DPY19L2: variants seen among roughly 807,000 people sequenced by gnomAD.
DPY19L2 encodes the protein dpy-19 like 2, also known as probable C-mannosyltransferase DPY19L2.
A neutral mutation model predicts 97.9 loss-of-function variants in DPY19L2; 34 were observed. The ratio of observed to expected loss-of-function variants is 0.35; its 90% CI spans 0.26 to 0.46. DPY19L2 has a LOEUF of 0.46. Ranked by LOEUF, DPY19L2 falls within the 20% of genes least tolerant of loss-of-function variation. The pLI is 1.00. For synonymous variants in DPY19L2, 230 were observed against 307.9 expected, an observed-to-expected ratio of 0.75 and a Z score of 2.65; for missense variants, 623 against 911.4, an observed-to-expected ratio of 0.68 and a Z score of 4.07.
At chr12:63,653,592 A>G (rs182747412) in intron 4 of DPY19L2, among the ~76,000 whole-genome samples, 142 of 152,226 alleles carry the variant, frequency 9.3e-4, no homozygotes, top group Non-Finnish European at 1.9e-3. Context: ...AGAAAGAAAA[A>G]GAAATAATGA....
chr12:63,627,791 G>A (rs181952748), intron 6 of DPY19L2, among the ~76,000 whole-genome samples: 30 of 152,190 alleles, frequency 2.0e-4, no homozygotes, highest in African/African-American at 7.2e-4. Flanking sequence ...CACATTCTAA[G>A]CACCATGAGG....
At chr12:63,614,771 A>G (rs1277197194) in intron 11 of DPY19L2, among the ~76,000 whole-genome samples, 1 of 152,148 alleles carries the variant, frequency 6.6e-6, no homozygotes, top group African/African-American at 2.4e-5. Context: ...ATGCATGCAC[A>G]CACACATATT....
Position 63,668,243 on chromosome 12 carries a change from A to C in DPY19L2, c.151T>G (p.Ser51Ala), listed in dbSNP as rs10878073. ...ALGGGKLPRG[S>A]WRSSPGRIQS... Reference sequence around the variant, plus strand: ...ATCCTCCCCGGGGAGGACCTCCAGGAGCCCCTTGGCAGTTTCCCGCCGCCT... The same window carrying C: ...ATCCTCCCCGGGGAGGACCTCCAGGCGCCCCTTGGCAGTTTCCCGCCGCCT... Residue 51 changes from serine to alanine, a missense_variant, in exon 1 of 22, where the codon TCC becomes GCC. Ser to Ala is a moderately conservative substitution (Grantham distance 99). Coordinates refer to ENST00000324472, the MANE Select transcript of DPY19L2 (RefSeq NM_173812.5). The C allele has an allele frequency of 0.24, 382,382 of 1,613,448 alleles. 52,199 individuals are homozygous for C. Among genetic ancestry groups the C allele is most frequent in the East Asian group, 0.58 (26,151 of 44,746 alleles).
intron 6 of DPY19L2, 128 bp from the exon 7 acceptor site, chr12:63,626,654 A>G: frequency 8.1e-7 from 1 of 1,238,966 alleles, no homozygotes; most frequent in Middle Eastern, 2.7e-4. Flanking sequence ...ATAGTACTAA[A>G]CCATACCCAT....
rs553028187 is a variant in DPY19L2, at chr12:63,619,272, C to T, written c.1054-1044G>A. Reference sequence around the variant, plus strand: ...CCTGGGCAAGATGGTGACACCTCATCGCTACAAAAAATTAAAAATTAGCCA... The same window carrying T: ...CCTGGGCAAGATGGTGACACCTCATTGCTACAAAAAATTAAAAATTAGCCA... On this transcript the variant is annotated intron_variant, in intron 9 of 21. Transcript: ENST00000324472. Among the ~76,000 whole-genome samples, 10 of 152,126 alleles carry T rather than the reference C, an allele frequency of 6.6e-5. 1 individual carries two copies. Among genetic ancestry groups the T allele is most frequent in the African/African-American group, 1.7e-4 (7 of 41,522 alleles).
chr12:63,665,189 T>C (rs1592784233), intron 2 of DPY19L2, among the ~76,000 whole-genome samples: 1 of 152,226 alleles, frequency 6.6e-6, no homozygotes, highest in African/African-American at 2.4e-5. Context: ...GTTATTTCAC[T>C]GGCTGAGTGT....
intron 6 of DPY19L2, among the ~76,000 whole-genome samples, chr12:63,634,722 T>C (rs987136912): frequency 3.9e-5 from 6 of 152,092 alleles, no homozygotes; most frequent in African/African-American, 1.2e-4. Context: ...AAGGCGGCAG[T>C]GAGGCTGGTG....
At chr12:63,589,938 G>A (rs1882597235) in intron 16 of DPY19L2, among the ~76,000 whole-genome samples, 2 of 152,072 alleles carry the variant, frequency 1.3e-5, no homozygotes, top group Non-Finnish European at 2.9e-5. Flanking sequence ...AGACCAGCCT[G>A]GCCAACATGG....
At chr12:63,611,498 G>A (rs1348157825) in intron 11 of DPY19L2, among the ~76,000 whole-genome samples, 2 of 151,650 alleles carry the variant, frequency 1.3e-5, no homozygotes, top group African/African-American at 4.8e-5. Context: ...GAATTAGCAG[G>A]TGGAAGCACT....
At position 63,668,432 on chromosome 12, in the gene DPY19L2, C is replaced by G. The variant is rs1896598300; in HGVS notation, c.-39G>C. On this transcript the variant is annotated 5_prime_UTR_variant, in exon 1 of 22. Transcript: ENST00000324472. ...GGTGGAGCTGGGTCAATTTCAGGCA[C>G]AGCCCAGCCGAGTCAGGCGAGGTCC... is the stretch of plus-strand genomic sequence containing the variant. 1.3e-6 allele frequency: 2 copies of G among 1,533,752 alleles called. No individual in the cohort carries two copies. Among genetic ancestry groups the G allele is most frequent in the African/African-American group, 1.4e-5 (1 of 73,236 alleles).
At chr12:63,608,505 G>C (rs1737906010) in intron 12 of DPY19L2, 111 bp downstream of exon 12, 1 of 996,792 alleles carries the variant, frequency 1.0e-6, no homozygotes, top group African/African-American at 1.7e-5. Context: ...TAAGACAGTA[G>C]CTATTTATTA....
chr12:63,614,014 A>G (rs553593655), intron 11 of DPY19L2, among the ~76,000 whole-genome samples: 2,021 of 151,788 alleles, frequency 0.013, 23 homozygotes, highest in Non-Finnish European at 0.021. Flanking sequence ...ACATGGTGAC[A>G]CCCCGTCTCT....
At chr12:63,604,808 A>G (rs1361715789) in intron 12 of DPY19L2, among the ~76,000 whole-genome samples, 2 of 152,144 alleles carry the variant, frequency 1.3e-5, no homozygotes, top group Non-Finnish European at 2.9e-5. Context: ...CCCTTGTCAC[A>G]TAATCCCCAC....
chr12:63,655,260 T>C (rs894285421), intron 4 of DPY19L2, among the ~76,000 whole-genome samples: 6 of 152,114 alleles, frequency 3.9e-5, no homozygotes, highest in Admixed American at 3.9e-4. Context: ...ATTAAAGCCA[T>C]AATGATATAT....
intron 12 of DPY19L2, among the ~76,000 whole-genome samples, chr12:63,604,523 C>T (rs1420520002): frequency 5.3e-5 from 8 of 152,176 alleles, no homozygotes; most frequent in Non-Finnish European, 1.0e-4. Context: ...CCCGAAGGCT[C>T]TGTCCTTTTT....
At position 63,626,658 on chromosome 12, in the gene DPY19L2, T is replaced by G. The variant is rs551818808; in HGVS notation, c.804-132A>C. 82 of 1,177,320 alleles carry G rather than the reference T, an allele frequency of 7.0e-5. 1 individual carries two copies. In the South Asian group the frequency reaches 1.1e-3, roughly 16 times the overall value. 72.9% of individuals were successfully genotyped at this position (1,177,320 alleles called of 1,614,324 possible). A position where few individuals can be genotyped will look rare whatever the true frequency, so the allele number is the denominator to read the frequency against. On this transcript the variant is annotated intron_variant, in intron 6 of 21. Transcript: ENST00000324472. The stretch of plus-strand genomic sequence containing the variant: ...TTTAAAACATCATAGTACTAAACCA[T>G]ACCCATGTGGTTGAAGTTTAAATCC...
intron 6 of DPY19L2, among the ~76,000 whole-genome samples, chr12:63,636,610 A>C (rs1444219950): frequency 6.6e-6 from 1 of 152,124 alleles, no homozygotes; most frequent in Non-Finnish European, 1.5e-5. Context: ...AAACAAAACA[A>C]AACAAAACAA....
chr12:63,649,362 C>G lies in DPY19L2; in HGVS notation c.589-1997G>C, dbSNP rs548742937. Among the ~76,000 whole-genome samples, 894 of 151,978 alleles carry G rather than the reference C, an allele frequency of 5.9e-3. 1 individual carries two copies. Among genetic ancestry groups the G allele is most frequent in the African/African-American group, 0.021 (861 of 41,428 alleles). ...CTGAATGAAATTGAGACACAAAACA[C>G]CATACAAAAGATCAACAAAACCACA... On this transcript the variant is annotated intron_variant, in intron 4 of 21. Transcript: ENST00000324472.
At chr12:63,600,817 T>TC (rs71086689) in intron 12 of DPY19L2, among the ~76,000 whole-genome samples, 86,862 of 147,454 alleles carry the variant, frequency 0.59, 26,272 homozygotes, top group African/African-American at 0.74. Context: ...AGGGAGTCTC[T>TC]CTCTGTCCCC....
Sources: allele counts gnomAD v4.1 joint callset (sites outside exome capture counted in the v4.1 genomes callset), GRCh38; gene constraint gnomAD v4.1.1; transcripts MANE v1.5; gene names NCBI Gene and HGNC (gene_info 2026-07-23, HGNC 2026-07-21).